The following SNTB1 variants were observed in gnomAD, a reference collection of about 807,000 sequenced individuals.
SNTB1 encodes beta-1-syntrophin.
In SNTB1, 36 loss-of-function variants were observed where a neutral mutation model predicts 48.9. The ratio of observed to expected loss-of-function variants is 0.74; its 90% CI spans 0.56 to 0.97. The LOEUF (loss-of-function observed/expected upper bound fraction) is 0.97, where lower values mean the gene tolerates loss of function less well. Among genes scored for constraint, SNTB1 ranks in the 50% least tolerant of loss-of-function variants. The probability of loss-of-function intolerance (pLI) is 0.00; values close to 1 mark genes in which losing one functional copy is unlikely to be tolerated. For synonymous variants in SNTB1, 299 were observed against 294.6 expected (o/e 1.01, Z -0.15); for missense variants, 786 against 703.4 (o/e 1.12, Z -1.33).
At position 120,536,084 on chromosome 8, in the gene SNTB1, T is replaced by C. The variant is rs1815197783; in HGVS notation, c.*2793A>G. Reference sequence around the variant, plus strand: ...ATGCCTCTGCCTGGGTAGTTTGTAATAGGTTTATGGTTTGGTTTCTCCTAC... The same window carrying C: ...ATGCCTCTGCCTGGGTAGTTTGTAACAGGTTTATGGTTTGGTTTCTCCTAC... On this transcript the variant is annotated 3_prime_UTR_variant, in exon 7 of 7. Transcript: ENST00000517992. The C allele has an allele frequency of 6.6e-6, 1 of 152,208 alleles. No homozygotes were observed. The highest frequency in any genetic ancestry group is 1.5e-5 in the Non-Finnish European group (1 of 68,046). The allele number at this position is 152,208 out of a possible 1,614,324, so 9.4% of individuals were successfully genotyped here. A position where few individuals can be genotyped will look rare whatever the true frequency, so the allele number is the denominator to read the frequency against.
chr8:120,598,116 G>GC (rs1455635720), intron 3 of SNTB1, among the ~76,000 whole-genome samples: 1 of 151,730 alleles, frequency 6.6e-6, no homozygotes, highest in Non-Finnish European at 1.5e-5. Flanking sequence ...CATCCAGCCT[G>GC]AAGTCCCACT....
rs1563611371 is a variant in SNTB1 at position 120,811,973 on chromosome 8, G to A, written c.-130C>T. ...CCCGCGGGGAGGTGGCGGCACGCGG[G>A]ACTCCGCTCCGGGAGTTCGCAGACG... On this transcript the variant is annotated 5_prime_UTR_variant, in exon 1 of 7. Transcript: ENST00000517992. 1.6e-6 allele frequency: 2 copies of A among 1,273,796 alleles called. No homozygotes were observed. The highest frequency in any genetic ancestry group is 2.0e-6 in the Non-Finnish European group (2 of 1,015,572). 78.9% of individuals were successfully genotyped at this position (1,273,796 alleles called of 1,614,324 possible).
chr8:120,682,726 G>A (rs1363339031), intron 2 of SNTB1, among the ~76,000 whole-genome samples: 1 of 151,940 alleles, frequency 6.6e-6, no homozygotes, highest in Non-Finnish European at 1.5e-5. Flanking sequence ...GTAGATAGAC[G>A]ATAGATAGAT....
chr8:120,684,927 A>C (rs978465163), intron 2 of SNTB1, among the ~76,000 whole-genome samples: 2 of 152,192 alleles, frequency 1.3e-5, no homozygotes, highest in Non-Finnish European at 2.9e-5. Flanking sequence ...AAGTGCTGGG[A>C]TTACAGGTGT....
chr8:120,783,045 T>C (rs890611728), intron 1 of SNTB1, among the ~76,000 whole-genome samples: 12 of 152,188 alleles, frequency 7.9e-5, no homozygotes, highest in African/African-American at 2.9e-4. Flanking sequence ...TGCAATTGTA[T>C]CCTAACCTAA....
intron 2 of SNTB1, among the ~76,000 whole-genome samples, chr8:120,635,353 C>G (rs1817057265): frequency 6.6e-6 from 1 of 152,132 alleles, no homozygotes; most frequent in Non-Finnish European, 1.5e-5. Flanking sequence ...TTCTTGAAAA[C>G]TTTATTTTTA....
chr8:120,697,215 A>G (rs1358263863), intron 1 of SNTB1, among the ~76,000 whole-genome samples: 2 of 152,216 alleles, frequency 1.3e-5, no homozygotes, highest in Non-Finnish European at 2.9e-5. Flanking sequence ...CCTATGTGAC[A>G]CAGCACTAGG....
At chr8:120,782,415 AC>A (rs57673940) in intron 1 of SNTB1, among the ~76,000 whole-genome samples, 17,226 of 151,868 alleles carry the variant, frequency 0.11, 1,400 homozygotes, top group African/African-American at 0.22. Flanking sequence ...TTTAAAAGAA[AC>A]CTTTTTTTAA....
intron 3 of SNTB1, among the ~76,000 whole-genome samples, chr8:120,607,522 C>T (rs1816544810): frequency 6.6e-6 from 1 of 152,154 alleles, no homozygotes; most frequent in Admixed American, 6.5e-5. Context: ...CGTCATTTAA[C>T]ATTAGGTATA....
At chr8:120,750,450 T>A in intron 1 of SNTB1, among the ~76,000 whole-genome samples, 1 of 152,292 alleles carries the variant, frequency 6.6e-6, no homozygotes, top group Middle Eastern at 3.4e-3. Flanking sequence ...CACCTTATGT[T>A]GATAACACAC....
chr8:120,795,842 C>A (rs539317406), intron 1 of SNTB1, among the ~76,000 whole-genome samples: 1 of 152,068 alleles, frequency 6.6e-6, no homozygotes, highest in Admixed American at 6.6e-5. Flanking sequence ...GATGCATCAT[C>A]CCCATCCCTG....
intron 2 of SNTB1, among the ~76,000 whole-genome samples, chr8:120,673,211 T>C (rs1426161646): frequency 6.6e-6 from 1 of 152,142 alleles, no homozygotes; most frequent in East Asian, 1.9e-4. Flanking sequence ...ATTGCCTGCA[T>C]TCAATTCTCT....
chr8:120,555,523 G>A (rs987737439), intron 4 of SNTB1, among the ~76,000 whole-genome samples: 1 of 152,090 alleles, frequency 6.6e-6, no homozygotes, highest in Non-Finnish European at 1.5e-5. Flanking sequence ...AGATAGAGCC[G>A]CCATCTTGAA....
chr8:120,737,355 A>C (rs1818964933), intron 1 of SNTB1, among the ~76,000 whole-genome samples: 1 of 152,218 alleles, frequency 6.6e-6, no homozygotes, highest in Non-Finnish European at 1.5e-5. Context: ...GCACCAAAGA[A>C]ATGAAAGACA....
chr8:120,560,801 T>C (rs2130667004), intron 4 of SNTB1, among the ~76,000 whole-genome samples: 1 of 152,332 alleles, frequency 6.6e-6, no homozygotes. Context: ...AAAGGTTGTG[T>C]GGATGCATTA....
chr8:120,571,348 A>G, intron 4 of SNTB1: 1 of 1,287,826 alleles, frequency 7.8e-7, no homozygotes, highest in Non-Finnish European at 1.0e-6. Flanking sequence ...TCTGAAGATA[A>G]TGTTCACGGA....
rs144841874 is a variant in SNTB1 at position 120,666,192 on chromosome 8, A to G, written c.788+27500T>C. Among the ~76,000 whole-genome samples the G allele has an allele frequency of 3.9e-3, 601 of 152,358 alleles. 5 individuals carry two copies. Among genetic ancestry groups the G allele is most frequent in the African/African-American group, 0.014 (574 of 41,582 alleles). On this transcript the variant is annotated intron_variant, in intron 2 of 6. Coordinates refer to ENST00000517992, the MANE Select transcript of SNTB1 (RefSeq NM_021021.4). Reference sequence around the variant, plus strand: ...ATTATGTAGTTATTCCTTTCCGCAGATACATATTTCTATTTGATGTAATTT... The same window carrying G: ...ATTATGTAGTTATTCCTTTCCGCAGGTACATATTTCTATTTGATGTAATTT...
At chr8:120,763,418 C>T (rs1819458187) in intron 1 of SNTB1, among the ~76,000 whole-genome samples, 1 of 152,090 alleles carries the variant, frequency 6.6e-6, no homozygotes, top group Admixed American at 6.5e-5. Context: ...AATTGGCTTC[C>T]TTGTAGCTTG....
At chr8:120,740,751 TTTC>T (rs1360019204) in intron 1 of SNTB1, among the ~76,000 whole-genome samples, 10 of 149,252 alleles carry the variant, frequency 6.7e-5, no homozygotes, top group Middle Eastern at 3.4e-3. Context: ...GTTATTTTCT[TTTC>T]TTCTTCTTTT....
Sources: gnomAD v4.1 joint callset for allele counts (sites outside exome capture counted in the v4.1 genomes callset) on GRCh38, gnomAD v4.1.1 for gene constraint, MANE v1.5 for transcripts, NCBI Gene and HGNC (gene_info 2026-07-23, HGNC 2026-07-21) for gene names.